RNF121: variants seen among roughly 807,000 people sequenced by gnomAD.
RNF121 encodes E3 ubiquitin ligase RNF121.
RNF121 carries 21 observed loss-of-function variants against 46.5 expected under a neutral mutation model. The ratio of observed to expected loss-of-function variants is 0.45; its 90% CI spans 0.32 to 0.65. RNF121 has a LOEUF of 0.65. Among genes scored for constraint, RNF121 ranks in the 30% least tolerant of loss-of-function variants. The probability of loss-of-function intolerance (pLI) is 0.04; values close to 1 mark genes in which losing one functional copy is unlikely to be tolerated. For synonymous variants in RNF121, 139 were observed against 144.7 expected, an observed-to-expected ratio of 0.96 and a Z score of 0.28; for missense variants, 346 against 416.0, an observed-to-expected ratio of 0.83 and a Z score of 1.46.
intron 1 of RNF121, among the ~76,000 whole-genome samples, chr11:71,950,271 A>G (rs545860960): frequency 6.6e-6 from 1 of 151,984 alleles, no homozygotes; most frequent in Admixed American, 6.6e-5. Flanking sequence ...ATGTATGCAT[A>G]TGGTAGTCCC....
At chr11:71,986,962 A>C (rs1050717870) in intron 4 of RNF121, 42 bp from the exon 5 acceptor site, 3 of 1,151,634 alleles carry the variant, frequency 2.6e-6, no homozygotes, top group Non-Finnish European at 3.9e-6. Context: ...TTAAGGCCAG[A>C]ATCTCTGTGT....
chr11:71,982,788 G>A lies in RNF121; in HGVS notation c.271G>A (p.Val91Ile). The A allele has an allele frequency of 6.2e-7, 1 of 1,612,952 alleles. No individual in the cohort carries two copies. The highest frequency in any genetic ancestry group is 8.5e-7 in the Non-Finnish European group (1 of 1,179,540). The change falls in exon 4 of 9, where the codon GTT becomes ATT. Residue 91 changes from valine to isoleucine, a missense_variant. Coordinates refer to ENST00000361756, the MANE Select transcript of RNF121 (RefSeq NM_018320.5). ...NMVTLFQMWV[V>I]PLYFTVKLHW... ...GGTGACCCTCTTTCAGATGTGGGTT[G>A]TTCCCCTCTATTTCACAGTGAAGCT...
chr11:71,959,249 A>G (rs944974266), intron 2 of RNF121, among the ~76,000 whole-genome samples: 1 of 152,090 alleles, frequency 6.6e-6, no homozygotes, highest in African/African-American at 2.4e-5. Flanking sequence ...TTGGCTTCCC[A>G]CTCTGCCCAC....
chr11:71,941,457 GGTCCCA>G (rs1953567008), intron 1 of RNF121, among the ~76,000 whole-genome samples: 1 of 152,114 alleles, frequency 6.6e-6, no homozygotes. Flanking sequence ...CATTTTTCTA[GGTCCCA>G]GTAATTCAGC....
intron 3 of RNF121, among the ~76,000 whole-genome samples, chr11:71,963,346 G>A (rs1399051465): frequency 2.6e-5 from 4 of 152,090 alleles, no homozygotes; most frequent in African/African-American, 7.2e-5. Flanking sequence ...GTCTTGGCCC[G>A]GTGGGGTGGC....
chr11:71,936,550 T>C (rs1033531371), intron 1 of RNF121, among the ~76,000 whole-genome samples: 2 of 152,012 alleles, frequency 1.3e-5, no homozygotes, highest in Non-Finnish European at 2.9e-5. Flanking sequence ...CCACCACGCC[T>C]GGCTACTTTT....
At position 71,970,308 on chromosome 11, in the gene RNF121, G is replaced by T. The variant is rs200498282; in HGVS notation, c.243+9417G>T. 9.2e-5 allele frequency among the ~76,000 whole-genome samples: 14 copies of T among 152,276 alleles called. No individual in the cohort carries two copies. In the East Asian group the frequency reaches 2.7e-3, roughly 29 times the overall value. ...TAGTAACAGATAGTAATACATAACA[G>T]TATTGAACTGTATACTCAAAGATGA... is the stretch of plus-strand genomic sequence containing the variant. On this transcript the variant is annotated intron_variant, in intron 3 of 8. Coordinates refer to ENST00000361756, the MANE Select transcript of RNF121 (RefSeq NM_018320.5).
intron 1 of RNF121, among the ~76,000 whole-genome samples, chr11:71,931,668 C>A (rs1246266603): frequency 6.6e-6 from 1 of 151,968 alleles, no homozygotes; most frequent in East Asian, 1.9e-4. Context: ...TATTATAATA[C>A]TAGATAATTG....
rs1954114537 is a variant in RNF121 at position 71,960,878 on chromosome 11, C to T, written c.230C>T (p.Pro77Leu). The change falls in exon 3 of 9, where the codon CCA becomes CTA. Residue 77 changes from proline to leucine, a missense_variant. By Grantham distance (98) the Pro-to-Leu change is moderately conservative. This residue lies in a region of RNF121 where 286 missense variants were observed against 383.8 expected (regional missense o/e 0.75). Transcript: ENST00000361756. Reference sequence around the variant, plus strand: ...CTGGTGCAGTGGAAGCAGAGGCACCCACGCTCCTACAATGTAAGCCACTTT... The same window carrying T: ...CTGGTGCAGTGGAAGCAGAGGCACCTACGCTCCTACAATGTAAGCCACTTT... ...LLLVQWKQRH[P>L]RSYNMVTLFQ... 8 of 1,613,958 alleles carry T rather than the reference C, an allele frequency of 5.0e-6. No homozygotes were observed. Among genetic ancestry groups the T allele is most frequent in the Non-Finnish European group, 6.8e-6 (8 of 1,179,934 alleles).
intron 3 of RNF121, among the ~76,000 whole-genome samples, chr11:71,967,357 T>TG (rs1424503903): frequency 1.1e-4 from 15 of 137,246 alleles, no homozygotes; most frequent in South Asian, 2.4e-4. Context: ...TTGTTTTTTT[T>TG]TTTTTTTTTT....
At chr11:71,947,645 C>T (rs1953757908) in intron 1 of RNF121, among the ~76,000 whole-genome samples, 1 of 152,090 alleles carries the variant, frequency 6.6e-6, no homozygotes, top group Non-Finnish European at 1.5e-5. Flanking sequence ...GAAATAAGGT[C>T]GCTGGTTGGG....
chr11:71,949,269 T>C (rs927373156), intron 1 of RNF121, among the ~76,000 whole-genome samples: 6 of 152,158 alleles, frequency 3.9e-5, no homozygotes, highest in Non-Finnish European at 7.3e-5. Context: ...AATTTAAGAA[T>C]TAGCTGGGTG....
intron 3 of RNF121, among the ~76,000 whole-genome samples, chr11:71,976,282 C>G (rs1410794703): frequency 6.6e-6 from 1 of 151,638 alleles, no homozygotes; most frequent in Non-Finnish European, 1.5e-5. Context: ...TCCTAGGGTC[C>G]CAGAGATACT....
intron 1 of RNF121, among the ~76,000 whole-genome samples, chr11:71,950,946 T>C (rs1490228938): frequency 6.6e-6 from 1 of 152,154 alleles, no homozygotes. Context: ...ATAATGAGGC[T>C]GGGTATGGTG....
chr11:71,950,321 A>G (rs948865409), intron 1 of RNF121, among the ~76,000 whole-genome samples: 6 of 152,140 alleles, frequency 3.9e-5, no homozygotes, highest in Admixed American at 6.5e-5. Context: ...ACGGTGGCTC[A>G]CGCCTGTAAT....
At chr11:71,974,425 C>G (rs574138447) in intron 3 of RNF121, among the ~76,000 whole-genome samples, 19 of 152,338 alleles carry the variant, frequency 1.2e-4, no homozygotes, top group African/African-American at 3.6e-4. Context: ...CCTCAGTAGA[C>G]TTGAGTTCTT....
intron 3 of RNF121, among the ~76,000 whole-genome samples, chr11:71,972,737 C>T (rs889367064): frequency 1.6e-4 from 25 of 151,886 alleles, no homozygotes; most frequent in African/African-American, 5.6e-4. Flanking sequence ...CAAAATCATC[C>T]CTGATGAGAA....
intron 4 of RNF121, chr11:71,983,137 A>G (rs1215169125): frequency 7.9e-6 from 3 of 379,120 alleles, no homozygotes; most frequent in African/African-American, 6.2e-5. Context: ...GTTTCAAGGT[A>G]TTTTTATATT....
At chr11:71,938,398 T>C (rs1953475656) in intron 1 of RNF121, among the ~76,000 whole-genome samples, 1 of 130,852 alleles carries the variant, frequency 7.6e-6, no homozygotes, top group African/African-American at 2.8e-5. Context: ...CTGCTCACCA[T>C]AACCTCCGCC....
Sources: allele counts gnomAD v4.1 joint callset (sites outside exome capture counted in the v4.1 genomes callset), GRCh38; gene constraint gnomAD v4.1.1; regional missense constraint gnomAD v4.1.1; transcripts MANE v1.5; gene names NCBI Gene and HGNC (gene_info 2026-07-23, HGNC 2026-07-21).